The following ST6GALNAC3 variants were observed in gnomAD, a reference collection of about 807,000 sequenced individuals.
The protein encoded by ST6GALNAC3 is ST6 N-acetylgalactosaminide alpha-2,6-sialyltransferase 3.
In ST6GALNAC3, 25 loss-of-function variants were observed where a neutral mutation model predicts 32.7. The ratio of observed to expected loss-of-function variants is 0.76; its 90% confidence interval spans 0.56 to 1.07. The LOEUF (loss-of-function observed/expected upper bound fraction) is 1.07, where lower values mean the gene tolerates loss of function less well. Among genes scored for constraint, ST6GALNAC3 ranks in the 50% least tolerant of loss-of-function variants. The pLI, the probability that ST6GALNAC3 is intolerant of heterozygous loss-of-function variation, is 0.00. For missense variants in ST6GALNAC3, 355 were observed against 382.4 expected (o/e 0.93, Z 0.60); for synonymous variants, 129 against 133.1 (o/e 0.97, Z 0.21).
chr1:76,627,871 T>C lies in ST6GALNAC3; in HGVS notation c.731+312T>C, dbSNP rs74638989. 9.9e-3 allele frequency among the ~76,000 whole-genome samples: 1,511 copies of C among 152,048 alleles called. 22 individuals carry two copies. The highest frequency in any genetic ancestry group is 0.034 in the African/African-American group (1,407 of 41,518). On this transcript the variant is annotated intron_variant, in intron 4 of 4. Coordinates refer to ENST00000328299, the MANE Select transcript of ST6GALNAC3 (RefSeq NM_152996.4). Reference sequence around the variant, plus strand: ...TGGTTGTGTAATTTGCAAAAGCAAGTTTGTCATTTCTGCTGCTCTGATGGC... The same window carrying C: ...TGGTTGTGTAATTTGCAAAAGCAAGCTTGTCATTTCTGCTGCTCTGATGGC...
At chr1:76,171,874 TC>T (rs1652535335) in intron 1 of ST6GALNAC3, among the ~76,000 whole-genome samples, 1 of 17,876 alleles carries the variant, frequency 5.6e-5, no homozygotes, top group Non-Finnish European at 2.6e-4. Context: ...CCAGACAGAT[TC>T]ACAGATTCAC....
intron 2 of ST6GALNAC3, among the ~76,000 whole-genome samples, chr1:76,374,238 T>C (rs551144660): frequency 1.1e-4 from 17 of 152,298 alleles, no homozygotes; most frequent in African/African-American, 3.8e-4. Context: ...AAAATAAATG[T>C]GATGCTTGGG....
rs1161607226 is a variant in ST6GALNAC3 at position 76,327,308 on chromosome 1, GTGTGTGTA to G, written c.213+13319_213+13326del. Among the ~76,000 whole-genome samples, 478 of 147,412 alleles carry G rather than the reference GTGTGTGTA, an allele frequency of 3.2e-3. 3 individuals carry two copies. Among genetic ancestry groups the G allele is most frequent in the African/African-American group, 0.012 (467 of 39,090 alleles). On this transcript the variant is annotated intron_variant, in intron 2 of 4. Coordinates refer to ENST00000328299, the MANE Select transcript of ST6GALNAC3 (RefSeq NM_152996.4). ...TGTGTGTGTGTGTGTGTGTGTGTGT[GTGTGTGTA>G]TGTGTGTATAGAGAGAGATATTGAG...
chr1:76,363,376 A>T (rs1240652573), intron 2 of ST6GALNAC3, among the ~76,000 whole-genome samples: 1 of 152,154 alleles, frequency 6.6e-6, no homozygotes, highest in Non-Finnish European at 1.5e-5. Context: ...GTTCCCAATA[A>T]GTTCCTCATT....
downstream of ST6GALNAC3, among the ~76,000 whole-genome samples, chr1:76,634,769 G>A (rs1413964975): frequency 1.1e-3 from 40 of 37,126 alleles, 9 homozygotes; most frequent in Non-Finnish European, 1.8e-3. Flanking sequence ...GCGGGATCTC[G>A]GCTCACTGCA....
intron 3 of ST6GALNAC3, among the ~76,000 whole-genome samples, chr1:76,470,744 C>T (rs1658971371): frequency 6.6e-6 from 1 of 152,016 alleles, no homozygotes; most frequent in African/African-American, 2.4e-5. Flanking sequence ...TCCAAGAGGC[C>T]ATCACTGAGG....
chr1:76,601,737 C>T (rs1356035236), intron 3 of ST6GALNAC3, among the ~76,000 whole-genome samples: 6 of 152,032 alleles, frequency 3.9e-5, no homozygotes, highest in Admixed American at 1.3e-4. Context: ...TTGGAATCAG[C>T]GATCTAGAGA....
intron 1 of ST6GALNAC3, among the ~76,000 whole-genome samples, chr1:76,112,065 G>T (rs566350382): frequency 6.7e-4 from 98 of 147,096 alleles, no homozygotes; most frequent in African/African-American, 2.3e-3. Context: ...GCCGGGCTGG[G>T]GGCTGACCCC....
intron 3 of ST6GALNAC3, among the ~76,000 whole-genome samples, chr1:76,511,316 T>C (rs1267624562): frequency 6.6e-6 from 1 of 152,078 alleles, no homozygotes; most frequent in Non-Finnish European, 1.5e-5. Context: ...ACCTCCACCT[T>C]CTCTTTTCCA....
In ST6GALNAC3 at chr1:76,343,743, A is replaced by G. The variant is rs1005805757; in HGVS notation, c.213+29744A>G. ...GACAAAACAAGTCCTTCTAGCTTCA[A>G]AATGCTTTGATATTCTTTGTCTTTT... On this transcript the variant is annotated intron_variant, in intron 2 of 4. Transcript: ENST00000328299. Among the ~76,000 whole-genome samples, 9 of 152,342 alleles carry G rather than the reference A, an allele frequency of 5.9e-5. No homozygotes were observed. The East Asian group carries it at 1.7e-3, about 29-fold the overall frequency.
At chr1:76,247,104 T>C (rs1310620679) in intron 1 of ST6GALNAC3, among the ~76,000 whole-genome samples, 1 of 152,188 alleles carries the variant, frequency 6.6e-6, no homozygotes, top group African/African-American at 2.4e-5. Flanking sequence ...ACTCCAGAAC[T>C]TGTTCACCTA....
intron 3 of ST6GALNAC3, among the ~76,000 whole-genome samples, chr1:76,550,812 G>A (rs1557560620): frequency 6.6e-6 from 1 of 152,126 alleles, no homozygotes; most frequent in Non-Finnish European, 1.5e-5. Context: ...ATGCAATGGA[G>A]CGATCTCAGT....
At position 76,412,198 on chromosome 1, in the gene ST6GALNAC3, T is replaced by A; in HGVS notation, c.404T>A (p.Leu135His). The change falls in exon 3 of 5, where the codon CTT becomes CAT. Residue 135 changes from leucine (L) to histidine (H), a missense_variant. Coordinates refer to ENST00000328299, the MANE Select transcript of ST6GALNAC3 (RefSeq NM_152996.4). ...IRVVSHTSVP[L>H]LLKNPDYFFK... Reference sequence around the variant, plus strand: ...GTTGTGTCCCATACCAGCGTTCCTCTTTTGCTAAAAAACCCTGATTATTTT... The same window carrying A: ...GTTGTGTCCCATACCAGCGTTCCTCATTTGCTAAAAAACCCTGATTATTTT... 6.2e-7 allele frequency: 1 copy of A among 1,613,774 alleles called. No individual in the cohort carries two copies. Among genetic ancestry groups the A allele is most frequent in the Non-Finnish European group, 8.5e-7 (1 of 1,179,820 alleles).
chr1:76,588,395 C>T (rs2100573268), intron 3 of ST6GALNAC3, among the ~76,000 whole-genome samples: 1 of 152,148 alleles, frequency 6.6e-6, no homozygotes, highest in South Asian at 2.1e-4. Flanking sequence ...ACGTAGAACA[C>T]AAGGGATGGG....
At chr1:76,318,127 A>C (rs1309272445) in intron 2 of ST6GALNAC3, among the ~76,000 whole-genome samples, 2 of 152,116 alleles carry the variant, frequency 1.3e-5, no homozygotes, top group African/African-American at 2.4e-5. Flanking sequence ...AAAGGAACAC[A>C]GGAGAGATGT....
intron 1 of ST6GALNAC3, among the ~76,000 whole-genome samples, chr1:76,210,127 A>G (rs1417258549): frequency 6.6e-6 from 1 of 151,742 alleles, no homozygotes; most frequent in African/African-American, 2.4e-5. Flanking sequence ...GGTTTGCTAC[A>G]TAGGTATATG....
At chr1:76,526,786 T>C (rs1662938387) in intron 3 of ST6GALNAC3, among the ~76,000 whole-genome samples, 1 of 152,156 alleles carries the variant, frequency 6.6e-6, no homozygotes, top group Non-Finnish European at 1.5e-5. Flanking sequence ...TGCTGTGTTT[T>C]TGAATACTTC....
intron 2 of ST6GALNAC3, among the ~76,000 whole-genome samples, chr1:76,339,903 GT>G (rs919621945): frequency 2.0e-5 from 3 of 152,140 alleles, no homozygotes; most frequent in Admixed American, 2.0e-4. Flanking sequence ...CTGTGATAAG[GT>G]GACATTTAGC....
At chr1:76,346,804 A>G (rs900810433) in intron 2 of ST6GALNAC3, among the ~76,000 whole-genome samples, 1 of 152,180 alleles carries the variant, frequency 6.6e-6, no homozygotes, top group African/African-American at 2.4e-5. Context: ...GAGTTGACTT[A>G]AAAATTAAAT....
Sources: allele counts gnomAD v4.1 joint callset (sites outside exome capture counted in the v4.1 genomes callset), GRCh38; gene constraint gnomAD v4.1.1; transcripts MANE v1.5; gene names NCBI Gene and HGNC (gene_info 2026-07-23, HGNC 2026-07-21).